Variants in ASTN1 observed in about 807,000 individuals in gnomAD.
ASTN1 encodes the protein astrotactin-1.
A neutral mutation model predicts 140.7 loss-of-function variants in ASTN1; 41 were observed. The ratio of observed to expected loss-of-function variants is 0.29; its 90% CI spans 0.23 to 0.38. The LOEUF is 0.38. Ranked by LOEUF, ASTN1 falls within the 10% of genes least tolerant of loss-of-function variation. ASTN1 has a pLI of 1.00. For synonymous variants in ASTN1, 640 were observed against 652.2 expected (o/e 0.98, Z 0.29); for missense variants, 1,479 against 1,678.8 (o/e 0.88, Z 2.08).
At chr1:177,110,973 G>A (rs1007723182) in intron 1 of ASTN1, among the ~76,000 whole-genome samples, 1 of 152,202 alleles carries the variant, frequency 6.6e-6, no homozygotes, top group African/African-American at 2.4e-5. Context: ...GTTTAACAGA[G>A]GTGAAATCAA....
intron 1 of ASTN1, among the ~76,000 whole-genome samples, chr1:177,140,974 T>C (rs560816266): frequency 6.6e-6 from 1 of 152,324 alleles, no homozygotes; most frequent in South Asian, 2.1e-4. Flanking sequence ...CCCAGGACTT[T>C]GGGAGGCCAA....
chr1:177,032,644 T>C lies in ASTN1; in HGVS notation c.677A>G (p.Asn226Ser). The change falls in exon 3 of 23, where the codon AAC becomes AGC. Residue 226 changes from asparagine (N) to serine (S), a missense_variant. Coordinates refer to ENST00000361833, the MANE Select transcript of ASTN1 (RefSeq NM_004319.3). ...CCGGATGCTCAGGGTGCCACTGGAG[T>C]TGTGGCCCTGCACGCGGGCATTGCG... ...SLRNARVQGH[N>S]SSGTLSIRET... The C allele has an allele frequency of 1.2e-6, 2 of 1,613,960 alleles. No homozygotes were observed. The highest frequency in any genetic ancestry group is 1.7e-6 in the Non-Finnish European group (2 of 1,179,988).
chr1:177,150,969 A>G (rs1411223220), intron 1 of ASTN1, among the ~76,000 whole-genome samples: 2 of 152,274 alleles, frequency 1.3e-5, no homozygotes, highest in East Asian at 3.9e-4. Context: ...CCCTATAACA[A>G]AACATGTTTT....
In ASTN1 at chr1:177,139,531, T is replaced by C. The variant is rs985885610; in HGVS notation, c.283+24863A>G. On this transcript the variant is annotated intron_variant, in intron 1 of 22. Transcript: ENST00000361833. ...AAGGAAGGTACCTTGGATGCAGTGATGAAGGCAGCCTTGTTAGAGCACAGT... is the reference window on the plus strand; with the variant it reads ...AAGGAAGGTACCTTGGATGCAGTGACGAAGGCAGCCTTGTTAGAGCACAGT... 7.2e-5 allele frequency among the ~76,000 whole-genome samples: 11 copies of C among 152,332 alleles called. No individual in the cohort carries two copies. In the East Asian group the frequency reaches 1.5e-3, roughly 21 times the overall value.
intron 18 of ASTN1, among the ~76,000 whole-genome samples, chr1:176,886,719 C>T (rs555747560): frequency 1.4e-3 from 218 of 152,302 alleles, no homozygotes; most frequent in Non-Finnish European, 2.0e-3. Context: ...AGTGCCTACC[C>T]GCACCTGCAT....
In ASTN1 at chr1:176,862,487, A is replaced by C; in HGVS notation, c.*1797T>G. 1.0e-6 allele frequency: 1 copy of C among 985,418 alleles called. No individual in the cohort carries two copies. Among genetic ancestry groups the C allele is most frequent in the Non-Finnish European group, 1.2e-6 (1 of 829,952 alleles). 61.0% of individuals were successfully genotyped at this position (985,418 alleles called of 1,614,324 possible). A position where few individuals can be genotyped will look rare whatever the true frequency, so the allele number is the denominator to read the frequency against. ...TGTCCATGCCACAGATGCTTGGGAA[A>C]GGTAAAGCTCTCTGGGCAGGTTCCC... On this transcript the variant is annotated 3_prime_UTR_variant, in exon 23 of 23. Transcript: ENST00000361833.
chr1:177,027,305 A>T (rs1676167405), intron 5 of ASTN1, among the ~76,000 whole-genome samples: 1 of 152,258 alleles, frequency 6.6e-6, no homozygotes, highest in Non-Finnish European at 1.5e-5. Context: ...TAGAGCTCTT[A>T]TCACATAGAA....
chr1:176,957,220 A>G (rs1672444953), intron 11 of ASTN1, among the ~76,000 whole-genome samples: 1 of 152,160 alleles, frequency 6.6e-6, no homozygotes, highest in Non-Finnish European at 1.5e-5. Context: ...CATAGGGCTG[A>G]TAACGAAGTA....
chr1:176,860,568 C>A (rs1320568688), downstream of ASTN1, among the ~76,000 whole-genome samples: 1 of 152,232 alleles, frequency 6.6e-6, no homozygotes, highest in African/African-American at 2.4e-5. Flanking sequence ...TGCTCCTACA[C>A]AGTGCAAGAC....
chr1:177,027,599 A>G (rs1056185631), intron 5 of ASTN1, among the ~76,000 whole-genome samples: 1 of 149,886 alleles, frequency 6.7e-6, no homozygotes, highest in Non-Finnish European at 1.5e-5. Flanking sequence ...AACGACTTTT[A>G]CTTCCTTTAA....
chr1:177,074,820 A>C (rs1166326770), intron 1 of ASTN1, among the ~76,000 whole-genome samples: 1 of 152,302 alleles, frequency 6.6e-6, no homozygotes, highest in East Asian at 1.9e-4. Flanking sequence ...TTAGTACTTC[A>C]ATTTCAAGAG....
chr1:176,959,306 CA>C (rs1429249270), intron 9 of ASTN1, among the ~76,000 whole-genome samples: 2 of 152,132 alleles, frequency 1.3e-5, no homozygotes, highest in Non-Finnish European at 2.9e-5. Context: ...GAGGCTGTGG[CA>C]GTCTGGCATC....
chr1:177,155,467 G>C (rs1409605932), intron 1 of ASTN1, among the ~76,000 whole-genome samples: 1 of 152,148 alleles, frequency 6.6e-6, no homozygotes, highest in African/African-American at 2.4e-5. Context: ...GAAGGGGTTG[G>C]GGGGAAAGTG....
chr1:177,121,521 A>G (rs1681386700), intron 1 of ASTN1, among the ~76,000 whole-genome samples: 1 of 152,106 alleles, frequency 6.6e-6, no homozygotes, highest in African/African-American at 2.4e-5. Flanking sequence ...TTTCTCATCT[A>G]TAGGATGTCT....
At chr1:176,958,295 A>T in intron 10 of ASTN1, 50 bp downstream of exon 10, 1 of 1,610,544 alleles carries the variant, frequency 6.2e-7, no homozygotes. Context: ...GTAGTTTCTC[A>T]TTCTGCTTCC....
chr1:177,163,520 C>T (rs1439985429), intron 1 of ASTN1, among the ~76,000 whole-genome samples: 1 of 152,070 alleles, frequency 6.6e-6, no homozygotes, highest in Non-Finnish European at 1.5e-5. Flanking sequence ...CCTGAAGTGA[C>T]AGGAGTTCCA....
chr1:177,104,529 G>T (rs543202769), intron 1 of ASTN1, among the ~76,000 whole-genome samples: 38 of 152,304 alleles, frequency 2.5e-4, no homozygotes, highest in African/African-American at 8.7e-4. Context: ...AGATAGAGTA[G>T]TGTATAATAT....
At chr1:176,990,801 C>T (rs1034376592) in intron 8 of ASTN1, among the ~76,000 whole-genome samples, 20 of 152,126 alleles carry the variant, frequency 1.3e-4, no homozygotes, top group Non-Finnish European at 1.5e-5. Context: ...CCTTCTCACG[C>T]CCATCTAATA....
At position 177,131,687 on chromosome 1, in the gene ASTN1, T is replaced by C. The variant is rs559777275; in HGVS notation, c.283+32707A>G. Among the ~76,000 whole-genome samples the C allele has an allele frequency of 7.3e-4, 111 of 152,276 alleles. 2 individuals carry two copies. In the South Asian group the frequency reaches 0.02, roughly 28 times the overall value. Reference sequence around the variant, plus strand: ...AGAAGGGTTCTGTCAGTCTGTTTAGTGTTGTATAACAGAATACCTGAGAGC... The same window carrying C: ...AGAAGGGTTCTGTCAGTCTGTTTAGCGTTGTATAACAGAATACCTGAGAGC... On this transcript the variant is annotated intron_variant, in intron 1 of 22. Transcript: ENST00000361833.
Sources: allele counts gnomAD v4.1 joint callset (sites outside exome capture counted in the v4.1 genomes callset), GRCh38; gene constraint gnomAD v4.1.1; transcripts MANE v1.5; gene names NCBI Gene and HGNC (gene_info 2026-07-23, HGNC 2026-07-21).